The following FBLIM1 variants were observed in gnomAD, a reference collection of about 807,000 sequenced individuals.
FBLIM1 encodes the protein filamin binding LIM protein 1.
A neutral mutation model predicts 37.4 loss-of-function variants in FBLIM1; 29 were observed. The observed-to-expected ratio is 0.77, with a 90% confidence interval of 0.58 to 1.06. The LOEUF (loss-of-function observed/expected upper bound fraction) is 1.06. Ranked by LOEUF, FBLIM1 falls within the 50% of genes least tolerant of loss-of-function variation. The pLI, the probability that FBLIM1 is intolerant of heterozygous loss-of-function variation, is 0.00. For missense variants in FBLIM1, 449 were observed against 505.6 expected, an observed-to-expected ratio of 0.89 and a Z score of 1.07; for synonymous variants, 193 against 199.0, an observed-to-expected ratio of 0.97 and a Z score of 0.25.
chr1:15,777,252 G>A lies in FBLIM1; in HGVS notation c.973G>A (p.Gly325Arg). 6.2e-7 allele frequency: 1 copy of A among 1,613,322 alleles called. No individual in the cohort carries two copies. Among genetic ancestry groups the A allele is most frequent in the Non-Finnish European group, 8.5e-7 (1 of 1,179,378 alleles). Residue 325 changes from glycine to arginine, a missense_variant, in exon 8 of 9, where the codon GGA becomes AGA. Physicochemically the swap from Gly to Arg is moderately radical, Grantham distance 125. Transcript: ENST00000375766. The part of the protein sequence containing the change: ...GKDAFKIECM[G>R]RNFHENCYRC... ...AGATGCCTTCAAAATCGAATGCATG[G>A]GAAGAAACTTCCATGAAAATTGCTA...
At chr1:15,775,016 A>G (rs2069427036) in intron 7 of FBLIM1, 2 of 899,320 alleles carry the variant, frequency 2.2e-6, no homozygotes, top group South Asian at 3.6e-5. Flanking sequence ...CAGGAGATCG[A>G]GATCATCCTG....
rs375630596 is a variant in FBLIM1 at position 15,774,635 on chromosome 1, C to T, written c.729C>T (p.Cys243=). 53 of 1,613,192 alleles carry T rather than the reference C, an allele frequency of 3.3e-5. No homozygotes were observed. Among genetic ancestry groups the T allele is most frequent in the Middle Eastern group, 3.3e-4 (2 of 6,052 alleles). ...EPCYQDTLER[C]GKCGEVVRDH... is the part of the protein sequence containing the mutation. ...TGTCCTAGGACACACTGGAGAGGTG[C>T]GGCAAGTGTGGCGAGGTGGTCCGGG... The change falls in exon 7 of 9, where the codon TGC becomes TGT. Residue 243 remains cysteine, a synonymous_variant. Coordinates refer to ENST00000375766, the MANE Select transcript of FBLIM1 (RefSeq NM_017556.4).
chr1:15,784,305 A>C (rs932286258), intron 8 of FBLIM1, among the ~76,000 whole-genome samples: 21 of 152,144 alleles, frequency 1.4e-4, no homozygotes, highest in African/African-American at 4.8e-4. Flanking sequence ...CTGACGGTGA[A>C]TGTCTGTCCT....
At chr1:15,766,007 A>G (rs1434748942) in intron 3 of FBLIM1, among the ~76,000 whole-genome samples, 2 of 152,120 alleles carry the variant, frequency 1.3e-5, no homozygotes, top group East Asian at 3.8e-4. Context: ...CCGGGCCTGT[A>G]CCAACACAGT....
intron 3 of FBLIM1, 71 bp from the exon 4 acceptor site, chr1:15,767,305 T>C (rs913534105): frequency 5.7e-6 from 8 of 1,408,146 alleles, no homozygotes; most frequent in Admixed American, 2.6e-5. Context: ...TGTATGGCCA[T>C]GTAGGTAAGT....
In FBLIM1 at chr1:15,767,551, GCCCCCA is replaced by G; in HGVS notation, c.429_434del (p.Pro144_Pro145del). The G allele has an allele frequency of 4.0e-6, 3 of 759,256 alleles. No individual in the cohort carries two copies. The highest frequency in any genetic ancestry group is 5.3e-6 in the Non-Finnish European group (3 of 567,594). 47.0% of individuals were successfully genotyped at this position (759,256 alleles called of 1,614,324 possible). Reference sequence around the variant, plus strand: ...AGCAGCTGCACCTGTCCCCGCCCCCGCCCCCACCACAGGTACTGCCTGCCCCCCGAC... The same window carrying G: ...AGCAGCTGCACCTGTCCCCGCCCCCGCCACAGGTACTGCCTGCCCCCCGAC... On this transcript the variant is annotated inframe_deletion, in exon 4 of 9. Transcript: ENST00000375766.
chr1:15,778,842 A>G (rs370329273), intron 8 of FBLIM1, among the ~76,000 whole-genome samples: 1 of 151,848 alleles, frequency 6.6e-6, no homozygotes, highest in Admixed American at 6.6e-5. Flanking sequence ...TGGTTTCTCC[A>G]TGTTGGTCAG....
rs962544111 is a variant in FBLIM1, at chr1:15,765,455, G to A, written c.250+222G>A. 2.6e-5 allele frequency among the ~76,000 whole-genome samples: 4 copies of A among 152,130 alleles called. No individual in the cohort carries two copies. The highest frequency in any genetic ancestry group is 5.9e-5 in the Non-Finnish European group (4 of 68,020). ...CATTTTCATGGGTTATTGGGATTAT[G>A]GGAAGAGGATCTTGGGAGTGTGGGA... On this transcript the variant is annotated intron_variant, in intron 3 of 8. Coordinates refer to ENST00000375766, the MANE Select transcript of FBLIM1 (RefSeq NM_017556.4). The surrounding 1 kb of genome is among the most constrained non-coding windows in gnomAD (Gnocchi z 5.9).
In FBLIM1 at chr1:15,768,625, C is replaced by T. The variant is rs2069045551; in HGVS notation, c.536C>T (p.Ser179Phe). 6.2e-7 allele frequency: 1 copy of T among 1,609,934 alleles called. No homozygotes were observed. Among genetic ancestry groups the T allele is most frequent in the Non-Finnish European group, 8.5e-7 (1 of 1,178,606 alleles). ...GCAGAACCTGTTGAGAAAGGGGCAT[C>T]CACAGGTAGGTGCACAGGGCTGAGA... ...PPAEPVEKGA[S>F]TDICAFCHKT... Residue 179 changes from serine (S) to phenylalanine (F), a missense_variant, in exon 5 of 9, where the codon TCC (serine) becomes TTC (phenylalanine). Coordinates refer to ENST00000375766, the MANE Select transcript of FBLIM1 (RefSeq NM_017556.4).
chr1:15,767,084 G>C (rs1569769573), intron 3 of FBLIM1, among the ~76,000 whole-genome samples: 1 of 151,888 alleles, frequency 6.6e-6, no homozygotes, highest in Non-Finnish European at 1.5e-5. Context: ...GTAGAGTTGA[G>C]GTCTCACTAT....
intron 3 of FBLIM1, among the ~76,000 whole-genome samples, chr1:15,766,181 C>T (rs566032088): frequency 9.9e-5 from 15 of 152,240 alleles, no homozygotes; most frequent in Middle Eastern, 3.4e-3. Flanking sequence ...GATCACGGCT[C>T]ACTGTAGCCT....
chr1:15,771,064 C>T (rs555624712), intron 6 of FBLIM1, among the ~76,000 whole-genome samples: 21 of 152,016 alleles, frequency 1.4e-4, no homozygotes, highest in African/African-American at 4.3e-4. Context: ...CTCAGCCTCC[C>T]GAGTAGCTGG....
At chr1:15,768,463 G>A (rs1314216335) in intron 4 of FBLIM1, 65 bp from the exon 5 acceptor site, 1 of 1,131,578 alleles carries the variant, frequency 8.8e-7, no homozygotes. Context: ...CCACCCAGAT[G>A]AGGAACAGAG....
intron 7 of FBLIM1, 36 bp from the exon 8 acceptor site, chr1:15,777,134 T>TG: frequency 6.5e-7 from 1 of 1,537,568 alleles, no homozygotes; most frequent in Non-Finnish European, 8.9e-7. Context: ...GGTTGTGGCA[T>TG]GAACGCCTCC....
In FBLIM1 at chr1:15,765,061, G is replaced by T. The variant is rs775661376; in HGVS notation, c.78G>T (p.Val26=). 6.2e-7 allele frequency: 1 copy of T among 1,614,108 alleles called. No individual in the cohort carries two copies. Among genetic ancestry groups the T allele is most frequent in the Non-Finnish European group, 8.5e-7 (1 of 1,180,006 alleles). ...CACCCCCGCGCCGCGATGTGGCCGT[G>T]GCGGAGGAAGTGAGGCAGGCAGTTT... ...TLAPPRRDVA[V]AEEVRQAVCE... Residue 26 remains valine, a synonymous_variant, in exon 3 of 9, where the codon GTG becomes GTT. Transcript: ENST00000375766. This position sits in a 1 kb window ranked among gnomAD's most constrained non-coding sequence, Gnocchi z 5.9.
intron 5 of FBLIM1, among the ~76,000 whole-genome samples, chr1:15,769,884 CG>C (rs1441953378): frequency 3.9e-5 from 6 of 151,982 alleles, no homozygotes; most frequent in African/African-American, 9.7e-5. Flanking sequence ...CCGCCCACCT[CG>C]GCATCCCAAA....
At chr1:15,775,634 C>T (rs1275525777) in intron 7 of FBLIM1, among the ~76,000 whole-genome samples, 1 of 152,038 alleles carries the variant, frequency 6.6e-6, no homozygotes, top group African/African-American at 2.4e-5. Context: ...AGCTTACATG[C>T]CCTCCCTCCC....
intron 1 of FBLIM1, among the ~76,000 whole-genome samples, chr1:15,763,099 G>A (rs1433120567): frequency 4.7e-5 from 7 of 150,426 alleles, no homozygotes; most frequent in South Asian, 2.1e-4. Flanking sequence ...ACAGAGTTTC[G>A]CTCTTGTTGC....
upstream of FBLIM1, among the ~76,000 whole-genome samples, chr1:15,757,553 TG>T (rs1432486016): frequency 2.6e-5 from 4 of 151,752 alleles, no homozygotes; most frequent in Non-Finnish European, 5.9e-5. This position sits in a 1 kb window ranked among gnomAD's most constrained non-coding sequence, Gnocchi z 4.1. Flanking sequence ...CGATGATCAG[TG>T]GGTGAGGGCG....
Sources: allele counts gnomAD v4.1 joint callset (sites outside exome capture counted in the v4.1 genomes callset), GRCh38; gene constraint gnomAD v4.1.1; non-coding constraint Gnocchi (gnomAD v3.1); transcripts MANE v1.5; gene names NCBI Gene and HGNC (gene_info 2026-07-23, HGNC 2026-07-21).